Variants in PKHD1 observed in about 807,000 individuals in gnomAD.
PKHD1 encodes PKHD1 ciliary IPT domain containing fibrocystin/polyductin, also known as fibrocystin.
A neutral mutation model predicts 412.0 loss-of-function variants in PKHD1; 291 were observed. The observed-to-expected ratio is 0.71, with a 90% CI of 0.64 to 0.78. The LOEUF (loss-of-function observed/expected upper bound fraction) is 0.78, where lower values mean the gene tolerates loss of function less well. Among genes scored for constraint, PKHD1 ranks in the 30% least tolerant of loss-of-function variants. The pLI, the probability that PKHD1 is intolerant of heterozygous loss-of-function variation, is 0.00. For synonymous variants in PKHD1, 1,777 were observed against 1,821.5 expected, an observed-to-expected ratio of 0.98 and a Z score of 0.62; for missense variants, 4,825 against 4,950.7, an observed-to-expected ratio of 0.97 and a Z score of 0.76.
rs1562376482 is a variant in PKHD1, at chr6:51,816,460, T to C, written c.8302+14401A>G. ...GAGGTAACACACCTGTGGTGGGCTT[T>C]GTAGCCAATAAGAAGCTGAGGCAAT... On this transcript the variant is annotated intron_variant, in intron 52 of 66. Transcript: ENST00000371117. 2.0e-5 allele frequency among the ~76,000 whole-genome samples: 3 copies of C among 152,204 alleles called. No individual in the cohort carries two copies. The East Asian group carries it at 5.8e-4, about 29-fold the overall frequency.
chr6:51,872,242 G>A (rs2151788414), intron 46 of PKHD1, among the ~76,000 whole-genome samples: 2 of 152,168 alleles, frequency 1.3e-5, no homozygotes, highest in South Asian at 4.1e-4. Context: ...TAATTTTCCA[G>A]ACTGAAAAGT....
chr6:51,760,930 TAAC>T (rs2151060331), intron 55 of PKHD1, among the ~76,000 whole-genome samples: 1 of 152,182 alleles, frequency 6.6e-6, no homozygotes, highest in African/African-American at 2.4e-5. Flanking sequence ...CAGTGAAAGA[TAAC>T]AAAGGTTAGT....
chr6:51,793,319 GT>G (rs1794058628), intron 52 of PKHD1, among the ~76,000 whole-genome samples: 2 of 152,164 alleles, frequency 1.3e-5, no homozygotes, highest in African/African-American at 2.4e-5. Flanking sequence ...AAACAAGAGG[GT>G]TTTGCCTCCA....
chr6:52,037,085 G>A (rs1804078361), intron 27 of PKHD1, among the ~76,000 whole-genome samples: 2 of 152,036 alleles, frequency 1.3e-5, no homozygotes, highest in South Asian at 4.1e-4. Context: ...AAGAAATGCA[G>A]ATCAGTATGA....
intron 35 of PKHD1, among the ~76,000 whole-genome samples, chr6:51,980,356 C>T (rs1794983538): frequency 6.6e-6 from 1 of 152,082 alleles, no homozygotes; most frequent in African/African-American, 2.4e-5. Flanking sequence ...ATTGATAGCA[C>T]TTATTTATAA....
At chr6:51,641,857 G>A (rs1306436753) in intron 63 of PKHD1, among the ~76,000 whole-genome samples, 1 of 152,076 alleles carries the variant, frequency 6.6e-6, no homozygotes, top group East Asian at 1.9e-4. Flanking sequence ...AGAACATATG[G>A]GCACAGGGAG....
chr6:51,638,912 T>G lies in PKHD1; in HGVS notation c.11443A>C (p.Asn3815His). 1 of 1,613,912 alleles carries G rather than the reference T, an allele frequency of 6.2e-7. No individual in the cohort carries two copies. Among genetic ancestry groups the G allele is most frequent in the South Asian group, 1.1e-5 (1 of 91,080 alleles). Residue 3815 changes from asparagine (N) to histidine (H), a missense_variant, in exon 64 of 67, where the codon AAC becomes CAC. Physicochemically the swap from Asn to His is moderately conservative, Grantham distance 68 (BLOSUM62 1). Coordinates refer to ENST00000371117, the MANE Select transcript of PKHD1 (RefSeq NM_138694.4). ...GACCCAGAGATCAAGACTGCCAAGT[T>G]GTAGAAGCTAACATAACCATCTTGA... is the stretch of plus-strand genomic sequence containing the variant. ...ETQDGYVSFY[N>H]LAVLISGSNW...
At chr6:51,971,290 A>G (rs1793631902) in intron 35 of PKHD1, among the ~76,000 whole-genome samples, 1 of 152,142 alleles carries the variant, frequency 6.6e-6, no homozygotes, top group Admixed American at 6.6e-5. Context: ...CACTATAAGG[A>G]CCTTCTTGAG....
chr6:51,997,307 A>G (rs1012692913), intron 35 of PKHD1, among the ~76,000 whole-genome samples: 1 of 152,158 alleles, frequency 6.6e-6, no homozygotes, highest in Non-Finnish European at 1.5e-5. Context: ...AGCCATTCCT[A>G]TGACTCCTTA....
intron 40 of PKHD1, among the ~76,000 whole-genome samples, chr6:51,907,590 C>T (rs1782307512): frequency 6.6e-6 from 1 of 152,148 alleles, no homozygotes; most frequent in African/African-American, 2.4e-5. Context: ...AAGTACTGTG[C>T]AACATTTACC....
Position 52,013,971 on chromosome 6 carries a change from G to A in PKHD1, c.5600+3439C>T, listed in dbSNP as rs572888889. Among the ~76,000 whole-genome samples, 13 of 152,320 alleles carry A rather than the reference G, an allele frequency of 8.5e-5. No homozygotes were observed. In the East Asian group the frequency reaches 2.5e-3, roughly 29 times the overall value. On this transcript the variant is annotated intron_variant, in intron 34 of 66. Coordinates refer to ENST00000371117, the MANE Select transcript of PKHD1 (RefSeq NM_138694.4). ...ACACTGAAGCTGCCAGCACAGCATTGCACTAAGCACACTGCATCAGAAGCC... is the reference window on the plus strand; with the variant it reads ...ACACTGAAGCTGCCAGCACAGCATTACACTAAGCACACTGCATCAGAAGCC...
intron 43 of PKHD1, among the ~76,000 whole-genome samples, chr6:51,900,543 T>C (rs1443914446): frequency 5.3e-4 from 81 of 152,316 alleles, no homozygotes; most frequent in Non-Finnish European, 9.3e-4. Context: ...AAGACTTAAA[T>C]GATAGACCTA....
At chr6:51,867,451 G>T (rs189439765) in intron 48 of PKHD1, among the ~76,000 whole-genome samples, 21 of 152,206 alleles carry the variant, frequency 1.4e-4, no homozygotes, top group African/African-American at 4.6e-4. Context: ...ATCAGCAATT[G>T]CTTCCCTGGA....
At chr6:51,646,278 G>C (rs1198817808) in intron 63 of PKHD1, among the ~76,000 whole-genome samples, 1 of 152,186 alleles carries the variant, frequency 6.6e-6, no homozygotes, top group Non-Finnish European at 1.5e-5. Context: ...CATAAGCAGA[G>C]GAAGAATTTC....
intron 35 of PKHD1, among the ~76,000 whole-genome samples, chr6:51,967,423 C>CA (rs1023614762): frequency 3.9e-5 from 6 of 152,038 alleles, no homozygotes; most frequent in Non-Finnish European, 7.4e-5. Context: ...ATCTATAGTA[C>CA]ATCAGTATTA....
intron 37 of PKHD1, among the ~76,000 whole-genome samples, chr6:51,931,253 C>A (rs541155486): frequency 1.3e-5 from 2 of 152,132 alleles, no homozygotes; most frequent in Non-Finnish European, 2.9e-5. Flanking sequence ...CTCTTCTGTG[C>A]GCCAAAGTTG....
In PKHD1 at chr6:51,911,809, A is replaced by G. The variant is rs1782982437; in HGVS notation, c.6480T>C (p.Asn2160=). The G allele has an allele frequency of 3.1e-6, 5 of 1,612,774 alleles. No individual in the cohort carries two copies. The highest frequency in any genetic ancestry group is 3.4e-6 in the Non-Finnish European group (4 of 1,179,032). The part of the protein sequence containing the change: ...EKLLVSCQEA[N]APEGNLQHCL... ...AAAACACTCTTCTACCTTCTGGAGCATTGGCCTCCTGGCATGAAACAAGCA... is the reference window on the plus strand; with the variant it reads ...AAAACACTCTTCTACCTTCTGGAGCGTTGGCCTCCTGGCATGAAACAAGCA... Residue 2160 remains asparagine (N), a synonymous_variant, in exon 39 of 67, where the codon AAT becomes AAC. Coordinates refer to ENST00000371117, the MANE Select transcript of PKHD1 (RefSeq NM_138694.4).
intron 52 of PKHD1, among the ~76,000 whole-genome samples, chr6:51,802,055 A>G (rs1763011227): frequency 6.6e-6 from 1 of 152,166 alleles, no homozygotes; most frequent in African/African-American, 2.4e-5. Context: ...GTTTTCATAA[A>G]AATAGAAAAG....
At chr6:51,930,330 C>T (rs1201874845) in intron 37 of PKHD1, among the ~76,000 whole-genome samples, 2 of 139,582 alleles carry the variant, frequency 1.4e-5, no homozygotes, top group Non-Finnish European at 3.0e-5. Context: ...CAACTCAGAA[C>T]CTGTCCTCAT....
Sources: gnomAD v4.1 joint callset for allele counts (sites outside exome capture counted in the v4.1 genomes callset) on GRCh38, gnomAD v4.1.1 for gene constraint, MANE v1.5 for transcripts, NCBI Gene and HGNC (gene_info 2026-07-23, HGNC 2026-07-21) for gene names.